Variants in SLF1 observed in about 807,000 individuals in gnomAD.
The protein encoded by SLF1 is SMC5-SMC6 complex localization factor protein 1.
SLF1 carries 105 observed loss-of-function variants against 123.0 expected under a neutral mutation model. The observed-to-expected ratio is 0.85, with a 90% CI of 0.73 to 1.00. The LOEUF (loss-of-function observed/expected upper bound fraction) is 1.00, where lower values mean the gene tolerates loss of function less well. Ranked by LOEUF, SLF1 falls within the 50% of genes least tolerant of loss-of-function variation. The probability of loss-of-function intolerance (pLI) is 0.00; values close to 1 mark genes in which losing one functional copy is unlikely to be tolerated. For missense variants in SLF1, 1,239 were observed against 1,223.0 expected (o/e 1.01, Z -0.20); for synonymous variants, 434 against 406.6 (o/e 1.07, Z -0.81).
intron 16 of SLF1, 92 bp downstream of exon 16, chr5:94,686,810 T>G: frequency 7.2e-7 from 1 of 1,381,500 alleles, no homozygotes. Flanking sequence ...TATTTTGAGA[T>G]GGAGGCTTGC....
chr5:94,628,142 CTTTA>C (rs758195497), intron 1 of SLF1, among the ~76,000 whole-genome samples: 3 of 146,132 alleles, frequency 2.1e-5, no homozygotes, highest in Non-Finnish European at 3.0e-5. Context: ...ACAATACTTT[CTTTA>C]TTTGTTTATT....
chr5:94,629,247 C>T (rs913277737), intron 3 of SLF1, 80 bp downstream of exon 3: 2 of 960,006 alleles, frequency 2.1e-6, no homozygotes, highest in Admixed American at 3.0e-5. Context: ...GGAGAGATAG[C>T]ATATTTACAT....
chr5:94,675,654 CTAT>C (rs1750961254), intron 14 of SLF1, among the ~76,000 whole-genome samples: 1 of 152,050 alleles, frequency 6.6e-6, no homozygotes, highest in Non-Finnish European at 1.5e-5. Flanking sequence ...TAAAAACTTA[CTAT>C]TATGGCTATG....
chr5:94,689,542 A>G lies in SLF1; in HGVS notation c.2355A>G (p.Ser785=). The G allele has an allele frequency of 1.2e-6, 2 of 1,612,148 alleles. No homozygotes were observed. Among genetic ancestry groups the G allele is most frequent in the Non-Finnish European group, 1.7e-6 (2 of 1,178,398 alleles). Residue 785 remains serine (S), a synonymous_variant, in exon 18 of 21, where the codon TCA becomes TCG. Coordinates refer to ENST00000265140, the MANE Select transcript of SLF1 (RefSeq NM_032290.4). ...KLKKKSEGEL[S]CSKENCPSVV... is the part of the protein sequence containing the mutation. ...AAAAGAAGTCAGAAGGAGAATTGTC[A>G]TGTTCCAAGGAGAATTGCCCCTCTG...
rs570478030 is a variant in SLF1 at position 94,628,596 on chromosome 5, T to A, written c.1-215T>A. Among the ~76,000 whole-genome samples the A allele has an allele frequency of 3.0e-4, 46 of 152,350 alleles. No homozygotes were observed. The Middle Eastern group carries it at 0.014, about 45-fold the overall frequency. On this transcript the variant is annotated intron_variant, in intron 1 of 20. Coordinates refer to ENST00000265140, the MANE Select transcript of SLF1 (RefSeq NM_032290.4). ...AATGTTCAAATCAGAAAGAAAACCC[T>A]CACTTAAGGCCACATTTTGAGAAGA...
intron 1 of SLF1, among the ~76,000 whole-genome samples, chr5:94,627,855 G>A (rs1409563618): frequency 6.6e-6 from 1 of 150,696 alleles, no homozygotes; most frequent in Non-Finnish European, 1.5e-5. Flanking sequence ...TTGAGACGGA[G>A]TTTCACTCTT....
chr5:94,639,437 T>A (rs1244935330), intron 4 of SLF1, among the ~76,000 whole-genome samples: 2 of 152,224 alleles, frequency 1.3e-5, no homozygotes, highest in Non-Finnish European at 2.9e-5. Context: ...GTATTAGATC[T>A]CTTTTTTTAA....
intron 4 of SLF1, among the ~76,000 whole-genome samples, chr5:94,641,464 C>T (rs552952893): frequency 6.6e-6 from 1 of 152,140 alleles, no homozygotes; most frequent in Non-Finnish European, 1.5e-5. Flanking sequence ...GTTAGAGCAG[C>T]AGAAAACAAC....
intron 10 of SLF1, among the ~76,000 whole-genome samples, chr5:94,663,209 C>T (rs1749338459): frequency 6.6e-6 from 1 of 152,180 alleles, no homozygotes. Flanking sequence ...GTAGTATTTT[C>T]CCTTACTACT....
intron 13 of SLF1, 135 bp from the exon 14 acceptor site, chr5:94,670,708 T>TA: frequency 4.6e-6 from 3 of 655,348 alleles, no homozygotes; most frequent in Non-Finnish European, 7.6e-6. Context: ...TGTCCTTTAT[T>TA]ATAATTGTTA....
chr5:94,627,330 G>C (rs67531524), intron 1 of SLF1, among the ~76,000 whole-genome samples: 33,776 of 151,578 alleles, frequency 0.22, 3,893 homozygotes, highest in East Asian at 0.35. Flanking sequence ...TCCCTGCTTT[G>C]CTTGTCTGTG....
intron 5 of SLF1, 100 bp from the exon 6 acceptor site, chr5:94,649,354 G>A (rs1747417777): frequency 6.0e-6 from 6 of 1,004,402 alleles, no homozygotes. Context: ...CTACTTGTTT[G>A]ACTAACAAAG....
At position 94,643,440 on chromosome 5, in the gene SLF1, G is replaced by T; in HGVS notation, c.594+5G>T. ...CTAGGGGATTTTCTTTTAGAGGTAA[G>T]TAAAATAAATAGTAAACATTTTATT... On this transcript the variant is annotated splice_donor_5th_base_variant and intron_variant, in intron 5 of 20. Coordinates refer to ENST00000265140, the MANE Select transcript of SLF1 (RefSeq NM_032290.4). The T allele has an allele frequency of 1.4e-6, 2 of 1,416,608 alleles. No individual in the cohort carries two copies. The highest frequency in any genetic ancestry group is 1.9e-6 in the Non-Finnish European group (2 of 1,066,882). The allele number at this position is 1,416,608 out of a possible 1,614,324, so 87.8% of individuals were successfully genotyped here.
chr5:94,661,092 C>T (rs1231763988), intron 9 of SLF1, among the ~76,000 whole-genome samples: 1 of 152,176 alleles, frequency 6.6e-6, no homozygotes, highest in Non-Finnish European at 1.5e-5. Flanking sequence ...TACCTGGCGC[C>T]ATGCTGCAGC....
chr5:94,629,198 A>C, intron 3 of SLF1, 31 bp downstream of exon 3: 1 of 1,505,872 alleles, frequency 6.6e-7, no homozygotes. Context: ...CAACTTTTAA[A>C]AACAATCTTC....
chr5:94,695,141 T>C lies in SLF1; in HGVS notation c.3006T>C (p.Val1002=), dbSNP rs373081417. Residue 1002 remains valine, a synonymous_variant, in exon 21 of 21, where the codon GTT becomes GTC. Transcript: ENST00000265140. The part of the protein sequence containing the change: ...ACKSHKETTS[V]HTDWLLDLYA... ...AAAGTCATAAAGAAACCACCAGTGT[T>C]CATACTGACTGGTTACTGGATCTTT... 6.2e-7 allele frequency: 1 copy of C among 1,612,748 alleles called. No homozygotes were observed. Among genetic ancestry groups the C allele is most frequent in the South Asian group, 1.1e-5 (1 of 91,058 alleles).
chr5:94,691,219 A>C (rs1431973241), intron 18 of SLF1: 1 of 216,706 alleles, frequency 4.6e-6, no homozygotes, highest in East Asian at 1.4e-4. Context: ...TTGCTGCAAA[A>C]CCCAGTATTT....
At chr5:94,683,392 T>A (rs936596858) in intron 15 of SLF1, among the ~76,000 whole-genome samples, 6 of 152,200 alleles carry the variant, frequency 3.9e-5, no homozygotes, top group Admixed American at 2.6e-4. Flanking sequence ...AAACAAAACA[T>A]GGTCCTTGTG....
intron 4 of SLF1, among the ~76,000 whole-genome samples, chr5:94,634,881 A>G (rs1745580750): frequency 1.3e-5 from 2 of 152,146 alleles, no homozygotes; most frequent in African/African-American, 2.4e-5. Flanking sequence ...TCCTTTGCCC[A>G]TTTTTAATCA....
Sources: gnomAD v4.1 joint callset for allele counts (sites outside exome capture counted in the v4.1 genomes callset) on GRCh38, gnomAD v4.1.1 for gene constraint, MANE v1.5 for transcripts, NCBI Gene and HGNC (gene_info 2026-07-23, HGNC 2026-07-21) for gene names.